The following SUZ12 variants were observed in gnomAD, a reference collection of about 807,000 sequenced individuals.
The protein encoded by SUZ12 is polycomb protein SUZ12.
A neutral mutation model predicts 87.3 loss-of-function variants in SUZ12; 17 were observed. The observed-to-expected ratio is 0.19, with a 90% CI of 0.13 to 0.29. SUZ12 has a LOEUF of 0.29. SUZ12 is among the 10% of genes least tolerant of loss of function. The pLI is 1.00. For synonymous variants in SUZ12, 253 were observed against 312.4 expected (o/e 0.81, Z 2.01); for missense variants, 526 against 912.2 (o/e 0.58, Z 5.45).
At chr17:31,949,493 A>G (rs184597056) in intron 4 of SUZ12, among the ~76,000 whole-genome samples, 20 of 152,058 alleles carry the variant, frequency 1.3e-4, no homozygotes, top group Admixed American at 1.2e-3. Flanking sequence ...ATTTACTGCT[A>G]AGACCCTACA....
At chr17:31,938,823 G>GT (rs1448676535) in intron 1 of SUZ12, among the ~76,000 whole-genome samples, 1 of 152,192 alleles carries the variant, frequency 6.6e-6, no homozygotes, top group Non-Finnish European at 1.5e-5. Context: ...CTCCAAGAAA[G>GT]TTTTAACTAT....
At chr17:31,971,451 G>C (rs1908426409) in intron 5 of SUZ12, among the ~76,000 whole-genome samples, 1 of 138,582 alleles carries the variant, frequency 7.2e-6, no homozygotes. Flanking sequence ...TTTGGAGATG[G>C]AGTTTCGCTC....
intron 4 of SUZ12, among the ~76,000 whole-genome samples, chr17:31,951,421 C>T (rs1458280656): frequency 2.6e-5 from 4 of 151,658 alleles, no homozygotes; most frequent in Non-Finnish European, 4.4e-5. Context: ...AAGTCACTTG[C>T]AGAAACTTGT....
At chr17:31,940,381 ATCTGTAT>A (rs1314782603) in intron 2 of SUZ12, 34 bp from the exon 3 acceptor site, 1 of 1,588,656 alleles carries the variant, frequency 6.3e-7, no homozygotes, top group East Asian at 2.2e-5. Flanking sequence ...TTATAACTGC[ATCTGTAT>A]TCAATTTTAA....
In SUZ12 at chr17:31,978,008, AT is replaced by A. The variant is rs887629393; in HGVS notation, c.917+1398del. ...TGCAATTTCTGTTTGGAAACGAAAT[AT>A]TTTAGTGAAAATATCACCAGTGAAA... On this transcript the variant is annotated intron_variant, in intron 8 of 15. Coordinates refer to ENST00000322652, the MANE Select transcript of SUZ12 (RefSeq NM_015355.4). 3.9e-5 allele frequency among the ~76,000 whole-genome samples: 6 copies of A among 152,196 alleles called. 1 individual carries two copies. Among genetic ancestry groups the A allele is most frequent in the African/African-American group, 1.4e-4 (6 of 41,454 alleles).
At chr17:31,994,092 A>T (rs1909854415) in intron 12 of SUZ12, 84 bp downstream of exon 12, 1 of 1,337,580 alleles carries the variant, frequency 7.5e-7, no homozygotes, top group African/African-American at 1.5e-5. Flanking sequence ...ACCCACAAAA[A>T]TTTTTTAAAT....
In SUZ12 at chr17:31,954,283, G is replaced by T. The variant is rs140751665; in HGVS notation, c.455+6598G>T. ...TCACCATATTGGTCAGGCTGGTTTC[G>T]AACTCCTGACCTCGTGTTCTGCCCA... On this transcript the variant is annotated intron_variant, in intron 4 of 15. Coordinates refer to ENST00000322652, the MANE Select transcript of SUZ12 (RefSeq NM_015355.4). 9.3e-4 allele frequency among the ~76,000 whole-genome samples: 142 copies of T among 152,084 alleles called. 1 individual carries two copies. Among genetic ancestry groups the T allele is most frequent in the African/African-American group, 3.1e-3 (129 of 41,492 alleles).
intron 10 of SUZ12, among the ~76,000 whole-genome samples, chr17:31,991,352 A>G (rs1909711303): frequency 6.6e-6 from 1 of 151,712 alleles, no homozygotes. Context: ...GTCGCTTATA[A>G]AAAATAAAAA....
At chr17:31,960,230 A>G (rs1907616335) in intron 4 of SUZ12, among the ~76,000 whole-genome samples, 1 of 151,316 alleles carries the variant, frequency 6.6e-6, no homozygotes, top group Non-Finnish European at 1.5e-5. Flanking sequence ...TTTTTTTTTG[A>G]GACGGGGTCT....
chr17:31,994,864 C>T, intron 13 of SUZ12, 143 bp downstream of exon 13: 1 of 741,600 alleles, frequency 1.3e-6, no homozygotes, highest in Non-Finnish European at 2.0e-6. Flanking sequence ...TTGTTAACTA[C>T]TTTATAACAC....
intron 4 of SUZ12, chr17:31,963,865 A>G (rs1398362461): frequency 6.6e-6 from 1 of 152,178 alleles, no homozygotes; most frequent in Non-Finnish European, 1.5e-5. Flanking sequence ...CTCCCATCCA[A>G]GTACCAACCA....
At chr17:31,977,159 C>G (rs1367126006) in intron 8 of SUZ12, among the ~76,000 whole-genome samples, 1 of 151,968 alleles carries the variant, frequency 6.6e-6, no homozygotes, top group Non-Finnish European at 1.5e-5. Flanking sequence ...ACCTGTAGTT[C>G]CAGCTACATA....
chr17:31,975,711 T>C lies in SUZ12; in HGVS notation c.821T>C (p.Ile274Thr). The C allele has an allele frequency of 1.2e-6, 2 of 1,602,588 alleles. No homozygotes were observed. The highest frequency in any genetic ancestry group is 1.1e-5 in the South Asian group (1 of 88,272). The change falls in exon 7 of 16, where the codon ATT becomes ACT. Residue 274 changes from isoleucine to threonine, a missense_variant and splice_region_variant. Physicochemically the swap from Ile to Thr is moderately conservative, Grantham distance 89. Around this residue, in one of 9 missense-constraint regions of SUZ12, gnomAD observed 73 missense variants for 133.8 expected, o/e 0.55. Coordinates refer to ENST00000322652, the MANE Select transcript of SUZ12 (RefSeq NM_015355.4). The part of the protein sequence containing the change: ...GMINGETNEN[I>T]DVNEELPARR... ...ATTAATGGAGAAACCAATGAAAATA[T>C]TGGTAATTTTTTTTTTTACTAGATT...
intron 3 of SUZ12, among the ~76,000 whole-genome samples, chr17:31,942,069 G>C (rs1283149871): frequency 1.3e-5 from 2 of 152,000 alleles, no homozygotes; most frequent in African/African-American, 2.4e-5. Flanking sequence ...GGCCAAGCTG[G>C]TCTCAAACTC....
Position 31,994,024 on chromosome 17 carries a change from T to TA in SUZ12, c.1437+17dup. On this transcript the variant is annotated intron_variant, in intron 12 of 15. Transcript: ENST00000322652. ...CAACTATGTTGTGAGTAATTTTTCA[T>TA]ATTTTCTCAATTTGTGTTAAGAAAT... 6.2e-7 allele frequency: 1 copy of TA among 1,607,296 alleles called. No homozygotes were observed. Among genetic ancestry groups the TA allele is most frequent in the Non-Finnish European group, 8.5e-7 (1 of 1,177,766 alleles).
At position 31,937,131 on chromosome 17, in the gene SUZ12, C is replaced by T; in HGVS notation, c.-116C>T. The T allele has an allele frequency of 3.3e-6, 3 of 902,024 alleles. No individual in the cohort carries two copies. Among genetic ancestry groups the T allele is most frequent in the African/African-American group, 3.5e-5 (2 of 56,870 alleles). The allele number at this position is 902,024 out of a possible 1,614,324, so 55.9% of individuals were successfully genotyped here. On this transcript the variant is annotated 5_prime_UTR_variant, in exon 1 of 16. Coordinates refer to ENST00000322652, the MANE Select transcript of SUZ12 (RefSeq NM_015355.4). ...TCCCTTCCCCTCTCCTCCCCTCTCT[C>T]CTCCTTCCCCCCTCGGTCCGCCGGA...
At chr17:31,987,392 T>C (rs1416104334) in intron 9 of SUZ12, among the ~76,000 whole-genome samples, 3 of 152,186 alleles carry the variant, frequency 2.0e-5, no homozygotes, top group African/African-American at 7.2e-5. Context: ...ATCATCAGCT[T>C]AATAGGTAAA....
At chr17:31,988,287 G>A in intron 9 of SUZ12, 33 bp from the exon 10 acceptor site, 2 of 1,498,038 alleles carry the variant, frequency 1.3e-6, no homozygotes, top group Non-Finnish European at 1.8e-6. Context: ...CATTATCTGA[G>A]TCTCCAGTCT....
In SUZ12 at chr17:31,947,686, G is replaced by C; in HGVS notation, c.455+1G>C. The C allele has an allele frequency of 6.2e-7, 1 of 1,607,506 alleles. No individual in the cohort carries two copies. The highest frequency in any genetic ancestry group is 8.5e-7 in the Non-Finnish European group (1 of 1,176,240). On this transcript the variant is annotated splice_donor_variant, in intron 4 of 15. Transcript: ENST00000322652. LOFTEE classifies it high-confidence loss of function. Reference sequence around the variant, plus strand: ...TGAAAGGAGAGCAAGAATCTCATAGGTAAGATAATCTATCAGTTTACATTA... The same window carrying C: ...TGAAAGGAGAGCAAGAATCTCATAGCTAAGATAATCTATCAGTTTACATTA...
Sources: gnomAD v4.1 joint callset for allele counts (sites outside exome capture counted in the v4.1 genomes callset) on GRCh38, gnomAD v4.1.1 for gene constraint, gnomAD v4.1.1 regional missense constraint, MANE v1.5 for transcripts, NCBI Gene and HGNC (gene_info 2026-07-23, HGNC 2026-07-21) for gene names.